The following KMT2B variants were observed in gnomAD, a reference collection of about 807,000 sequenced individuals.
KMT2B encodes histone-lysine N-methyltransferase 2B.
Under a neutral mutation model 255.3 loss-of-function variants are expected in KMT2B, and 22 were observed. That is an observed-to-expected ratio of 0.09 (90% CI 0.06 to 0.12). KMT2B has a LOEUF of 0.12. KMT2B is among the 10% of genes least tolerant of loss of function. KMT2B has a pLI of 1.00. For missense variants in KMT2B, 3,149 were observed against 3,737.0 expected (o/e 0.84, Z 4.10); for synonymous variants, 1,730 against 1,498.1 (o/e 1.15, Z -3.57).
In KMT2B at chr19:35,718,796, C is replaced by T. The variant is rs906564264; in HGVS notation, c.363+415C>T. On this transcript the variant is annotated intron_variant, in intron 1 of 36. Transcript: ENST00000420124. This position sits in a 1 kb window ranked among gnomAD's most constrained non-coding sequence, Gnocchi z 5.0. ...GCCGCCCCGCCGGGCCTCGCAACCT[C>T]CTGGTTTCTCCAGGGCCCCAGTTTC... Among the ~76,000 whole-genome samples, 2 of 152,192 alleles carry T rather than the reference C, an allele frequency of 1.3e-5. No individual in the cohort carries two copies. The highest frequency in any genetic ancestry group is 4.8e-5 in the African/African-American group (2 of 41,450).
At position 35,727,375 on chromosome 19, in the gene KMT2B, G is replaced by T; in HGVS notation, c.4118-63G>T. ...GGGCTAAGGGTCCTTGCTGGCCTAGGGGCTGCTGGGAGCCCTCACATCCTC... is the reference window on the plus strand; with the variant it reads ...GGGCTAAGGGTCCTTGCTGGCCTAGTGGCTGCTGGGAGCCCTCACATCCTC... On this transcript the variant is annotated intron_variant, in intron 15 of 36. Coordinates refer to ENST00000420124, the MANE Select transcript of KMT2B (RefSeq NM_014727.3). The surrounding 1 kb of genome is among the most constrained non-coding windows in gnomAD (Gnocchi z 4.2). The T allele has an allele frequency of 6.3e-7, 1 of 1,595,952 alleles. No homozygotes were observed. The highest frequency in any genetic ancestry group is 1.1e-5 in the South Asian group (1 of 90,684).
In KMT2B at chr19:35,737,529, T is replaced by A. The variant is rs1443449680; in HGVS notation, c.7551-107T>A. 13 of 865,164 alleles carry A rather than the reference T, an allele frequency of 1.5e-5. No individual in the cohort carries two copies. The highest frequency in any genetic ancestry group is 2.7e-5 in the East Asian group (1 of 37,142). 53.6% of individuals were successfully genotyped at this position (865,164 alleles called of 1,614,324 possible). On this transcript the variant is annotated intron_variant, in intron 33 of 36. Coordinates refer to ENST00000420124, the MANE Select transcript of KMT2B (RefSeq NM_014727.3). This position sits in a 1 kb window ranked among gnomAD's most constrained non-coding sequence, Gnocchi z 5.3. ...AAACCCCATCTCTAAAATAAAAATT[T>A]AAAAAAGTTATTTCTAGAGCTGACA...
intron 14 of KMT2B, among the ~76,000 whole-genome samples, chr19:35,726,822 A>G (rs1969469706): frequency 1.3e-5 from 2 of 152,036 alleles, no homozygotes; most frequent in African/African-American, 4.8e-5. Context: ...CATCTGTACT[A>G]CAAATACAAA....
chr19:35,718,633 T>C lies in KMT2B; in HGVS notation c.363+252T>C, dbSNP rs973079443. Reference sequence around the variant, plus strand: ...CGCTGAAGTGTCTTGGGCCGATCCTTTTCGGCAGCTGGCAAAGCTAGGGCG... The same window carrying C: ...CGCTGAAGTGTCTTGGGCCGATCCTCTTCGGCAGCTGGCAAAGCTAGGGCG... On this transcript the variant is annotated intron_variant, in intron 1 of 36. Coordinates refer to ENST00000420124, the MANE Select transcript of KMT2B (RefSeq NM_014727.3). This position sits in a 1 kb window ranked among gnomAD's most constrained non-coding sequence, Gnocchi z 5.0. Among the ~76,000 whole-genome samples the C allele has an allele frequency of 6.6e-6, 1 of 152,126 alleles. No individual in the cohort carries two copies. Among genetic ancestry groups the C allele is most frequent in the Non-Finnish European group, 1.5e-5 (1 of 67,964 alleles).
Position 35,723,580 on chromosome 19 carries a change from C to T in KMT2B, c.3058+78C>T, listed in dbSNP as rs1969304669. ...GTGGAGGGAGCTGTTTTTCTTTGCT[C>T]TCCTCCCTTGCAGCTCACCCTCTCC... On this transcript the variant is annotated intron_variant, in intron 7 of 36. Coordinates refer to ENST00000420124, the MANE Select transcript of KMT2B (RefSeq NM_014727.3). This position sits in a 1 kb window ranked among gnomAD's most constrained non-coding sequence, Gnocchi z 7.5. 7.2e-7 allele frequency: 1 copy of T among 1,392,496 alleles called. No homozygotes were observed. The allele number at this position is 1,392,496 out of a possible 1,614,324, so 86.3% of individuals were successfully genotyped here.
rs374830694 is a variant in KMT2B at position 35,736,866 on chromosome 19, C to T, written c.7297+39C>T. On this transcript the variant is annotated intron_variant, in intron 31 of 36. Coordinates refer to ENST00000420124, the MANE Select transcript of KMT2B (RefSeq NM_014727.3). ...GTGCAGTGGCAGGAGGGAGAGTGTC[C>T]ATAAAACACCATCCTGACTCAGCTC... 2.4e-5 allele frequency: 39 copies of T among 1,613,672 alleles called. No homozygotes were observed. In the Middle Eastern group the frequency reaches 2.3e-3, roughly 95 times the overall value.
chr19:35,732,771 G>C lies in KMT2B; in HGVS notation c.6222G>C (p.Ala2074=). ...VDDGTDSEAE[A]VQQPRGQGTP... is the part of the protein sequence containing the mutation. ...ACGGCACTGACAGTGAGGCTGAGGC[G>C]GTGCAGCAGCCTCGGGGCCAGGGCA... Residue 2074 remains alanine (A), a synonymous_variant, in exon 28 of 37, where the codon GCG becomes GCC. Coordinates refer to ENST00000420124, the MANE Select transcript of KMT2B (RefSeq NM_014727.3). 1 of 1,608,908 alleles carries C rather than the reference G, an allele frequency of 6.2e-7. No individual in the cohort carries two copies. Among genetic ancestry groups the C allele is most frequent in the Non-Finnish European group, 8.5e-7 (1 of 1,178,262 alleles).
intron 26 of KMT2B, 49 bp from the exon 27 acceptor site, chr19:35,731,859 C>T (rs1398906583): frequency 7.1e-7 from 1 of 1,400,978 alleles, no homozygotes; most frequent in Non-Finnish European, 1.0e-6. Flanking sequence ...TGTGGGCAGG[C>T]TTTGACACAG....
At chr19:35,722,914 A>G in intron 5 of KMT2B, 81 bp from the exon 6 acceptor site, 5 of 1,454,152 alleles carry the variant, frequency 3.4e-6, no homozygotes, top group Non-Finnish European at 3.6e-6. Context: ...AGCGAGAGCC[A>G]GGTTGTGGGA....
At position 35,725,366 on chromosome 19, in the gene KMT2B, GCT is replaced by G; in HGVS notation, c.3642+38_3642+39del. 1 of 1,560,740 alleles carries G rather than the reference GCT, an allele frequency of 6.4e-7. No homozygotes were observed. ...CTCTGCCTTTCTTCACAGACCCCCA[GCT>G]CTCTGTCGGTCCTCACGGCCTGATT... On this transcript the variant is annotated intron_variant, in intron 11 of 36. Transcript: ENST00000420124. This position sits in a 1 kb window ranked among gnomAD's most constrained non-coding sequence, Gnocchi z 4.1.
Position 35,722,973 on chromosome 19 carries a change from TCCTC to T in KMT2B, c.2723-18_2723-15del. The T allele has an allele frequency of 6.5e-7, 1 of 1,527,754 alleles. No individual in the cohort carries two copies. Among genetic ancestry groups the T allele is most frequent in the Non-Finnish European group, 8.8e-7 (1 of 1,133,428 alleles). The allele number at this position is 1,527,754 out of a possible 1,614,324, so 94.6% of individuals were successfully genotyped here. Reference sequence around the variant, plus strand: ...CTGGTGGCTTTGTGGCTCCATCCCCTCCTCCCTGCCTGCTGCAATAGATACATCA... The same window carrying T: ...CTGGTGGCTTTGTGGCTCCATCCCCTCCTGCCTGCTGCAATAGATACATCA... On this transcript the variant is annotated intron_variant, in intron 5 of 36. Coordinates refer to ENST00000420124, the MANE Select transcript of KMT2B (RefSeq NM_014727.3).
Position 35,721,207 on chromosome 19 carries a change from TCCTCCCCCAGCCCCTCCA to T in KMT2B, c.1869_1886del (p.Pro626_Pro631del). On this transcript the variant is annotated inframe_deletion, in exon 3 of 37. Coordinates refer to ENST00000420124, the MANE Select transcript of KMT2B (RefSeq NM_014727.3). The stretch of plus-strand genomic sequence containing the variant: ...CCTCACTGACCCGGGAGCTGCCCCC[TCCTCCCCCAGCCCCTCCA>T]CCTCCCCCGGCCCCCTCCCCACCCC... 5 of 986,234 alleles carry T rather than the reference TCCTCCCCCAGCCCCTCCA, an allele frequency of 5.1e-6. No homozygotes were observed. Among genetic ancestry groups the T allele is most frequent in the Middle Eastern group, 3.5e-4 (1 of 2,836 alleles). 61.1% of individuals were successfully genotyped at this position (986,234 alleles called of 1,614,324 possible).
rs1970019518 is a variant in KMT2B at position 35,738,723 on chromosome 19, A to G, written c.*166A>G. The G allele has an allele frequency of 1.4e-6, 1 of 713,022 alleles. No individual in the cohort carries two copies. Among genetic ancestry groups the G allele is most frequent in the Non-Finnish European group, 2.3e-6 (1 of 440,044 alleles). 44.2% of individuals were successfully genotyped at this position (713,022 alleles called of 1,614,324 possible). On this transcript the variant is annotated 3_prime_UTR_variant, in exon 37 of 37. Coordinates refer to ENST00000420124, the MANE Select transcript of KMT2B (RefSeq NM_014727.3). This position sits in a 1 kb window ranked among gnomAD's most constrained non-coding sequence, Gnocchi z 8.7. The stretch of plus-strand genomic sequence containing the variant: ...ACAAGGGCCCTGCCTCCACCCCTCC[A>G]GCCCATCCAGCAATCGCCCCCTTTC...
At chr19:35,731,185 T>C (rs1238136178) in intron 26 of KMT2B, among the ~76,000 whole-genome samples, 1 of 152,204 alleles carries the variant, frequency 6.6e-6, no homozygotes, top group Non-Finnish European at 1.5e-5. Context: ...AGTGTCGCCA[T>C]ACTACACCTT....
At chr19:35,719,574 T>C (rs1969097426) in intron 2 of KMT2B, 33 bp downstream of exon 2, 1 of 1,566,340 alleles carries the variant, frequency 6.4e-7, no homozygotes, top group Non-Finnish European at 8.7e-7. Flanking sequence ...CTCTTTAGCG[T>C]CACAGGAATT....
At position 35,736,982 on chromosome 19, in the gene KMT2B, T is replaced by C. The variant is rs756029042; in HGVS notation, c.7368T>C (p.Phe2456=). 6.2e-7 allele frequency: 1 copy of C among 1,613,414 alleles called. No homozygotes were observed. Among genetic ancestry groups the C allele is most frequent in the Non-Finnish European group, 8.5e-7 (1 of 1,179,602 alleles). Residue 2456 remains phenylalanine, a synonymous_variant, in exon 32 of 37, where the codon TTT becomes TTC. Transcript: ENST00000420124. ...RGHARLRHLS[F]SGMSGARLLG... ...ATGCCCGACTCAGACATCTCTCCTT[T>C]AGTGGTAAGGAGTGGGCCCCACAGG... is the stretch of plus-strand genomic sequence containing the variant.
At chr19:35,722,879 C>T in intron 5 of KMT2B, 116 bp from the exon 6 acceptor site, 6 of 1,417,914 alleles carry the variant, frequency 4.2e-6, no homozygotes, top group Non-Finnish European at 5.6e-6. Context: ...CATTTGGGGG[C>T]ACCAGGAACC....
intron 22 of KMT2B, among the ~76,000 whole-genome samples, chr19:35,729,583 TC>T: frequency 6.6e-6 from 1 of 152,058 alleles, no homozygotes; most frequent in Non-Finnish European, 1.5e-5. Flanking sequence ...TCTCACTACA[TC>T]CCCGTGAGGT....
chr19:35,725,094 C>T lies in KMT2B; in HGVS notation c.3528+7C>T, dbSNP rs761497402. ...CGTCCGTGTGGATTTTAAGGTATGGCATTGAGTGGGGCGAGTCACAGAGCC... is the reference window on the plus strand; with the variant it reads ...CGTCCGTGTGGATTTTAAGGTATGGTATTGAGTGGGGCGAGTCACAGAGCC... On this transcript the variant is annotated splice_region_variant and intron_variant, in intron 10 of 36. Coordinates refer to ENST00000420124, the MANE Select transcript of KMT2B (RefSeq NM_014727.3). This position sits in a 1 kb window ranked among gnomAD's most constrained non-coding sequence, Gnocchi z 4.1. The T allele has an allele frequency of 6.2e-7, 1 of 1,605,794 alleles. No homozygotes were observed. Among genetic ancestry groups the T allele is most frequent in the Non-Finnish European group, 8.5e-7 (1 of 1,172,442 alleles).
Sources: gnomAD v4.1 joint callset for allele counts (sites outside exome capture counted in the v4.1 genomes callset) on GRCh38, gnomAD v4.1.1 for gene constraint, Gnocchi (gnomAD v3.1) non-coding constraint, MANE v1.5 for transcripts, NCBI Gene and HGNC (gene_info 2026-07-23, HGNC 2026-07-21) for gene names.